PREP: variants seen among roughly 807,000 people sequenced by gnomAD.
The protein encoded by PREP is dJ355L5.1 (prolyl endopeptidase).
In PREP, 29 loss-of-function variants were observed where a neutral mutation model predicts 87.6. The ratio of observed to expected loss-of-function variants is 0.33; its 90% CI spans 0.25 to 0.45. The LOEUF (loss-of-function observed/expected upper bound fraction) is 0.45. Ranked by LOEUF, PREP falls within the 20% of genes least tolerant of loss-of-function variation. The pLI, the probability that PREP is intolerant of heterozygous loss-of-function variation, is 1.00. For missense variants in PREP, 695 were observed against 886.5 expected, an observed-to-expected ratio of 0.78 and a Z score of 2.74; for synonymous variants, 337 against 328.6, an observed-to-expected ratio of 1.03 and a Z score of -0.28.
At chr6:105,342,311 G>A (rs1030447840) in intron 7 of PREP, among the ~76,000 whole-genome samples, 3 of 152,134 alleles carry the variant, frequency 2.0e-5, no homozygotes, top group Non-Finnish European at 4.4e-5. Context: ...ATGCAGAAAA[G>A]GCCTCTGACA....
intron 6 of PREP, among the ~76,000 whole-genome samples, chr6:105,357,906 C>A (rs1179324152): frequency 6.7e-6 from 1 of 148,746 alleles, no homozygotes; most frequent in East Asian, 2.0e-4. Context: ...TCCGGTTCAA[C>A]AATACTGTTT....
intron 6 of PREP, among the ~76,000 whole-genome samples, chr6:105,358,466 A>T (rs1772159031): frequency 6.6e-6 from 1 of 152,226 alleles, no homozygotes; most frequent in South Asian, 2.1e-4. Flanking sequence ...ATATTTGGAA[A>T]GAGGAAAAAA....
rs115563721 is a variant in PREP, at chr6:105,402,971, C to A, written c.-80G>T. 78,035 of 771,954 alleles carry A rather than the reference C, an allele frequency of 0.1. 5,608 individuals are homozygous for A. The highest frequency in any genetic ancestry group is 0.31 in the African/African-American group (16,805 of 54,972). The allele number at this position is 771,954 out of a possible 1,614,324, so 47.8% of individuals were successfully genotyped here. A position where few individuals can be genotyped will look rare whatever the true frequency, so the allele number is the denominator to read the frequency against. ...TGAGCTAGCCGGGCTGGCCGCGAGG[C>A]GCGGCTGGGGCGCAGGCAGCTGCGG... On this transcript the variant is annotated 5_prime_UTR_variant, in exon 1 of 15. Coordinates refer to ENST00000652536, the MANE Select transcript of PREP (RefSeq NM_002726.5).
rs191094712 is a variant in PREP at position 105,349,934 on chromosome 6, C to T, written c.823+3038G>A. 2.7e-3 allele frequency among the ~76,000 whole-genome samples: 346 copies of T among 128,822 alleles called. 1 individual carries two copies. Among genetic ancestry groups the T allele is most frequent in the Non-Finnish European group, 4.0e-3 (260 of 65,454 alleles). 84.5% of individuals were successfully genotyped at this position (128,822 alleles called of 152,430 possible). On this transcript the variant is annotated intron_variant, in intron 7 of 14. Coordinates refer to ENST00000652536, the MANE Select transcript of PREP (RefSeq NM_002726.5). The stretch of plus-strand genomic sequence containing the variant: ...AAAAAAAAAAAAAAGCAAAAAAGAT[C>T]CTAGGAGTTAGTCATGGTCATCAAC...
intron 7 of PREP, among the ~76,000 whole-genome samples, chr6:105,344,272 A>G (rs1328917288): frequency 1.3e-5 from 2 of 152,160 alleles, no homozygotes; most frequent in African/African-American, 4.8e-5. Context: ...CAGGCGGATC[A>G]TGAGGTCAGG....
At position 105,293,464 on chromosome 6, in the gene PREP, CACA is replaced by C. The variant is rs1379168731; in HGVS notation, c.1318-4573_1318-4571del. 5.9e-5 allele frequency among the ~76,000 whole-genome samples: 9 copies of C among 152,110 alleles called. No individual in the cohort carries two copies. The East Asian group carries it at 1.7e-3, about 29-fold the overall frequency. The stretch of plus-strand genomic sequence containing the variant: ...ACTGATGAGGGATCTCCATAACAAA[CACA>C]ATAATAATGAAAAGCTTTGAAGTAT... On this transcript the variant is annotated intron_variant, in intron 10 of 14. Transcript: ENST00000652536.
At chr6:105,333,614 G>C in intron 7 of PREP, 109 bp from the exon 8 acceptor site, 1 of 1,122,578 alleles carries the variant, frequency 8.9e-7, no homozygotes, top group South Asian at 1.4e-5. Flanking sequence ...ACATAAAGCA[G>C]AGATATTTGG....
chr6:105,279,008 A>C (rs1482960140), intron 14 of PREP: 1 of 152,246 alleles, frequency 6.6e-6, no homozygotes, highest in East Asian at 1.9e-4. Context: ...GCTGGCTCTC[A>C]GTCCGGCAGA....
At chr6:105,358,510 T>C (rs1440353422) in intron 6 of PREP, among the ~76,000 whole-genome samples, 1 of 152,182 alleles carries the variant, frequency 6.6e-6, no homozygotes, top group Non-Finnish European at 1.5e-5. Flanking sequence ...ATTCTACAGA[T>C]GGGCTAAATA....
chr6:105,397,400 C>G (rs2114737689), intron 2 of PREP, among the ~76,000 whole-genome samples: 1 of 152,176 alleles, frequency 6.6e-6, no homozygotes, highest in South Asian at 2.1e-4. Context: ...GCTTTTGTTT[C>G]ACTGTTGTTG....
chr6:105,382,634 A>G (rs1261674257), intron 2 of PREP, among the ~76,000 whole-genome samples: 8 of 150,666 alleles, frequency 5.3e-5, no homozygotes, highest in Admixed American at 2.0e-4. Flanking sequence ...AATGTGCACC[A>G]TGGTGATTAA....
intron 10 of PREP, among the ~76,000 whole-genome samples, chr6:105,318,126 A>G (rs938730920): frequency 6.6e-6 from 1 of 152,132 alleles, no homozygotes; most frequent in Non-Finnish European, 1.5e-5. Flanking sequence ...TTGTCCCGCA[A>G]TATCTATCTA....
chr6:105,308,630 G>A (rs2114632572), intron 10 of PREP, among the ~76,000 whole-genome samples: 1 of 152,134 alleles, frequency 6.6e-6, no homozygotes, highest in East Asian at 1.9e-4. Context: ...CCTACCAGAG[G>A]AGAGGAAGAT....
Position 105,389,193 on chromosome 6 carries a change from G to A in PREP, c.120+8660C>T, listed in dbSNP as rs143054210. Among the ~76,000 whole-genome samples the A allele has an allele frequency of 2.5e-3, 386 of 152,356 alleles. 2 individuals are homozygous for A. The highest frequency in any genetic ancestry group is 3.9e-3 in the Non-Finnish European group (265 of 68,040). ...AAGCAGCACCATCTTCGTTTGACTG[G>A]AGCTTTGCTGTATATGGATTTTTAC... On this transcript the variant is annotated intron_variant, in intron 2 of 14. Transcript: ENST00000652536.
intron 9 of PREP, among the ~76,000 whole-genome samples, chr6:105,324,460 T>TTGGGAAA (rs1166125447): frequency 1.3e-5 from 2 of 152,238 alleles, no homozygotes; most frequent in East Asian, 3.8e-4. Flanking sequence ...ATGCTACTAC[T>TTGGGAAA]TTCTAACATT....
rs775026045 is a variant in PREP, at chr6:105,397,185, C to CCAAAAAAAAAAA, written c.120+667_120+668insTTTTTTTTTTTG. ...GGGTGACAGAGTAAGACTCTGTCTA[C>CCAAAAAAAAAAA]AAAAAAAAAAAAAAAAAGTATACAT... On this transcript the variant is annotated intron_variant, in intron 2 of 14. Transcript: ENST00000652536. 3.5e-5 allele frequency among the ~76,000 whole-genome samples: 3 copies of CCAAAAAAAAAAA among 86,842 alleles called. 1 individual carries two copies. The highest frequency in any genetic ancestry group is 7.4e-5 in the African/African-American group (2 of 27,000). The allele number at this position is 86,842 out of a possible 152,430, so 57.0% of individuals were successfully genotyped here.
intron 10 of PREP, among the ~76,000 whole-genome samples, chr6:105,300,116 C>T (rs971762931): frequency 5.3e-5 from 8 of 152,122 alleles, no homozygotes; most frequent in African/African-American, 1.4e-4. Context: ...AGGATGGTCT[C>T]GATCTCTTGA....
chr6:105,388,888 C>T (rs1483122755), intron 2 of PREP, among the ~76,000 whole-genome samples: 32 of 152,326 alleles, frequency 2.1e-4, no homozygotes, highest in African/African-American at 7.5e-4. Flanking sequence ...TTTAAAAAGA[C>T]GCTACTTTAA....
At position 105,278,461 on chromosome 6, in the gene PREP, T is replaced by C. The variant is rs1315020493; in HGVS notation, c.1839-23A>G. Reference sequence around the variant, plus strand: ...TATCTGGAAGGCAAAAACACCTTTGTGAGGCTGGAGAGCAACAGTAGAGTT... The same window carrying C: ...TATCTGGAAGGCAAAAACACCTTTGCGAGGCTGGAGAGCAACAGTAGAGTT... On this transcript the variant is annotated intron_variant, in intron 14 of 14. Transcript: ENST00000652536. The surrounding 1 kb of genome is among the most constrained non-coding windows in gnomAD (Gnocchi z 4.2). The C allele has an allele frequency of 1.9e-6, 3 of 1,595,646 alleles. No individual in the cohort carries two copies. Among genetic ancestry groups the C allele is most frequent in the African/African-American group, 2.7e-5 (2 of 74,812 alleles).
Sources: gnomAD v4.1 joint callset for allele counts (sites outside exome capture counted in the v4.1 genomes callset) on GRCh38, gnomAD v4.1.1 for gene constraint, Gnocchi (gnomAD v3.1) non-coding constraint, MANE v1.5 for transcripts, NCBI Gene and HGNC (gene_info 2026-07-23, HGNC 2026-07-21) for gene names.